The following SV2C variants were observed in gnomAD, a reference collection of about 807,000 sequenced individuals.
SV2C encodes synaptic vesicle glycoprotein 2C, also known as solute carrier family 22 member B3.
A neutral mutation model predicts 79.7 loss-of-function variants in SV2C; 49 were observed. That is an observed-to-expected ratio of 0.61 (90% confidence interval 0.49 to 0.78). The LOEUF (loss-of-function observed/expected upper bound fraction) is 0.78, where lower values mean the gene tolerates loss of function less well. Among genes scored for constraint, SV2C ranks in the 30% least tolerant of loss-of-function variants. The probability of loss-of-function intolerance (pLI) is 0.00; values close to 1 mark genes in which losing one functional copy is unlikely to be tolerated. For missense variants in SV2C, 833 were observed against 912.9 expected (o/e 0.91, Z 1.13); for synonymous variants, 334 against 333.2 (o/e 1.00, Z -0.03).
intron 1 of SV2C, among the ~76,000 whole-genome samples, chr5:76,099,641 T>A (rs576321203): frequency 6.6e-6 from 1 of 152,178 alleles, no homozygotes; most frequent in Admixed American, 6.5e-5. Context: ...AATCAGGATC[T>A]CTAGCTTCTC....
At chr5:76,066,390 T>C in the SV2C span, among the ~76,000 whole-genome samples, 1 of 133,766 alleles carries the variant, frequency 7.5e-6, no homozygotes, top group Non-Finnish European at 1.5e-5. Flanking sequence ...TAGGTGGGAA[T>C]TGAACAATGA....
chr5:76,342,529 C>A (rs1482218215), intron 12 of SV2C, among the ~76,000 whole-genome samples: 1 of 152,216 alleles, frequency 6.6e-6, no homozygotes, highest in African/African-American at 2.4e-5. Context: ...AGGAAGCCAA[C>A]AGTGAATGTC....
chr5:75,967,258 G>A, the SV2C span, among the ~76,000 whole-genome samples: 40 of 152,256 alleles, frequency 2.6e-4, no homozygotes, highest in South Asian at 3.7e-3. Flanking sequence ...CACAGAAGAC[G>A]GGTGATTTCT....
At chr5:76,151,604 TG>T (rs1212459247) in intron 2 of SV2C, among the ~76,000 whole-genome samples, 1 of 152,134 alleles carries the variant, frequency 6.6e-6, no homozygotes, top group African/African-American at 2.4e-5. Flanking sequence ...CCATGAGCTA[TG>T]GGTGCAGGGA....
At chr5:76,050,193 C>T in the SV2C span, among the ~76,000 whole-genome samples, 3 of 152,274 alleles carry the variant, frequency 2.0e-5, no homozygotes, top group East Asian at 1.9e-4. Context: ...TGTAGACATT[C>T]GTTACATACT....
At chr5:76,073,503 GTATATATATATATA>G in the SV2C span, among the ~76,000 whole-genome samples, 382 of 67,450 alleles carry the variant, frequency 5.7e-3, 8 homozygotes, top group East Asian at 0.074. Flanking sequence ...GTATGTGTGT[GTATATATATATATA>G]TATATATATA....
chr5:75,953,870 C>T, the SV2C span, among the ~76,000 whole-genome samples: 1 of 152,004 alleles, frequency 6.6e-6, no homozygotes, highest in East Asian at 1.9e-4. Flanking sequence ...GTATCACTTC[C>T]TACTCCCCAC....
intron 12 of SV2C, 67 bp downstream of exon 12, chr5:76,301,612 A>AAAAC (rs1209586536): frequency 1.8e-5 from 28 of 1,545,282 alleles, no homozygotes; most frequent in Non-Finnish European, 2.3e-5. Flanking sequence ...AAATTATTTT[A>AAAAC]AAACAACCCA....
Position 76,169,120 on chromosome 5 carries a change from TGGACAAAG to T in SV2C, c.581-25798_581-25791del, listed in dbSNP as rs1743136226. ...AACAAGAGGATAAAATATATTTTAC[TGGACAAAG>T]TAGAAGAATGAACAATTATCCCATC... On this transcript the variant is annotated intron_variant, in intron 2 of 12. Transcript: ENST00000502798. 2.6e-5 allele frequency among the ~76,000 whole-genome samples: 4 copies of T among 152,354 alleles called. No individual in the cohort carries two copies. The South Asian group carries it at 8.3e-4, about 32-fold the overall frequency.
intron 4 of SV2C, among the ~76,000 whole-genome samples, chr5:76,253,543 C>T (rs972074920): frequency 1.3e-5 from 2 of 152,066 alleles, no homozygotes; most frequent in South Asian, 4.2e-4. Context: ...TTGCAATATG[C>T]CAGAAATTTT....
chr5:75,899,574 T>C, the SV2C span, among the ~76,000 whole-genome samples: 1 of 152,136 alleles, frequency 6.6e-6, no homozygotes, highest in African/African-American at 2.4e-5. Context: ...TGTAGATGTC[T>C]ATTAGGTCCG....
At chr5:76,257,254 CTGTAGTGTATGTGTGTGTGTGTGTGTGTG>C (rs1746300125) in intron 4 of SV2C, among the ~76,000 whole-genome samples, 1 of 91,172 alleles carries the variant, frequency 1.1e-5, no homozygotes, top group Admixed American at 1.3e-4. Context: ...TGGTGGGGGG[CTGTAGTGTATGTGTGTGTGTGTGTGTGTG>C]TGTGTGTAGT....
chr5:76,014,213 A>AAAACCCCG, the SV2C span, among the ~76,000 whole-genome samples: 1 of 151,524 alleles, frequency 6.6e-6, no homozygotes, highest in African/African-American at 2.4e-5. Context: ...AAAGAAAGGA[A>AAAACCCCG]AAGAAAAGAA....
chr5:76,127,018 T>C (rs940359467), intron 1 of SV2C, among the ~76,000 whole-genome samples: 2 of 152,266 alleles, frequency 1.3e-5, no homozygotes, highest in Non-Finnish European at 2.9e-5. Flanking sequence ...TTATTATTGC[T>C]ATCATTACTC....
At chr5:76,033,666 T>A in the SV2C span, among the ~76,000 whole-genome samples, 1 of 152,234 alleles carries the variant, frequency 6.6e-6, no homozygotes, top group East Asian at 1.9e-4. Context: ...TAGTATAGTT[T>A]GAAGTCAGGT....
intron 6 of SV2C, among the ~76,000 whole-genome samples, chr5:76,289,073 C>A (rs999655838): frequency 4.6e-5 from 7 of 151,920 alleles, no homozygotes; most frequent in Non-Finnish European, 2.9e-5. Flanking sequence ...AGATAATTAA[C>A]AACAGGTCTC....
At chr5:75,954,894 A>G in the SV2C span, among the ~76,000 whole-genome samples, 1 of 144,774 alleles carries the variant, frequency 6.9e-6, no homozygotes, top group Non-Finnish European at 1.5e-5. Flanking sequence ...GAAATAAAAG[A>G]GGATACAAAC....
the SV2C span, among the ~76,000 whole-genome samples, chr5:75,875,081 T>TTC: frequency 6.6e-6 from 1 of 152,022 alleles, no homozygotes; most frequent in Non-Finnish European, 1.5e-5. Context: ...ACAACACTAT[T>TTC]TTAAAATTCA....
chr5:75,972,639 A>C, the SV2C span, among the ~76,000 whole-genome samples: 2 of 152,126 alleles, frequency 1.3e-5, no homozygotes, highest in Non-Finnish European at 2.9e-5. Context: ...ACCATCTCAC[A>C]CAAGTTAGAA....
Sources: allele counts gnomAD v4.1 joint callset (sites outside exome capture counted in the v4.1 genomes callset), GRCh38; gene constraint gnomAD v4.1.1; transcripts MANE v1.5; gene names NCBI Gene and HGNC (gene_info 2026-07-23, HGNC 2026-07-21).